The following SNW1 variants were observed in gnomAD, a reference collection of about 807,000 sequenced individuals.
SNW1 encodes SNW domain-containing protein 1.
SNW1 carries 9 observed loss-of-function variants against 75.6 expected under a neutral mutation model. The ratio of observed to expected loss-of-function variants is 0.12; its 90% CI spans 0.07 to 0.21. SNW1 has a LOEUF of 0.21. SNW1 is among the 10% of genes least tolerant of loss of function. The probability of loss-of-function intolerance (pLI) is 1.00; values close to 1 mark genes in which losing one functional copy is unlikely to be tolerated. For missense variants in SNW1, 409 were observed against 670.9 expected, an observed-to-expected ratio of 0.61 and a Z score of 4.31; for synonymous variants, 200 against 219.1, an observed-to-expected ratio of 0.91 and a Z score of 0.77.
In SNW1 at chr14:77,756,742, G is replaced by C. The variant is rs939356757; in HGVS notation, c.15-1622C>G. The stretch of plus-strand genomic sequence containing the variant: ...CTACTAAAAATACAAAATTAGCCAG[G>C]CGTGCTGGTGTGCGCCTGTAATCCC... On this transcript the variant is annotated intron_variant, in intron 1 of 13. Transcript: ENST00000261531. Among the ~76,000 whole-genome samples, 4 of 152,220 alleles carry C rather than the reference G, an allele frequency of 2.6e-5. No individual in the cohort carries two copies. In the South Asian group the frequency reaches 8.3e-4, roughly 32 times the overall value.
rs959016321 is a variant in SNW1, at chr14:77,732,384, C to G, written c.891+101G>C. 1.4e-5 allele frequency: 10 copies of G among 732,204 alleles called. No homozygotes were observed. The African/African-American group carries it at 1.6e-4, about 12-fold the overall frequency. 45.4% of individuals were successfully genotyped at this position (732,204 alleles called of 1,614,324 possible). A position where few individuals can be genotyped will look rare whatever the true frequency, so the allele number is the denominator to read the frequency against. ...ACACACGTACCATGGGTGAGACTCTCTTTGGGTGCTCGGTACTATAGTTAA... is the reference window on the plus strand; with the variant it reads ...ACACACGTACCATGGGTGAGACTCTGTTTGGGTGCTCGGTACTATAGTTAA... On this transcript the variant is annotated intron_variant, in intron 9 of 13. Coordinates refer to ENST00000261531, the MANE Select transcript of SNW1 (RefSeq NM_012245.3).
Position 77,744,526 on chromosome 14 carries a change from C to T in SNW1, c.331-5465G>A, listed in dbSNP as rs148977594. Among the ~76,000 whole-genome samples the T allele has an allele frequency of 2.0e-5, 3 of 149,996 alleles. No individual in the cohort carries two copies. The East Asian group carries it at 5.8e-4, about 29-fold the overall frequency. On this transcript the variant is annotated intron_variant, in intron 3 of 13. Transcript: ENST00000261531. ...AAAACAAGGAACAATGCTTTGGAGA[C>T]CTTATTTGGCCAAGATACTAAACTC...
At chr14:77,732,000 T>C (rs2080631135) in intron 9 of SNW1, among the ~76,000 whole-genome samples, 1 of 152,206 alleles carries the variant, frequency 6.6e-6, no homozygotes, top group East Asian at 1.9e-4. Flanking sequence ...CCTCCCAAAA[T>C]GCTGGGATTA....
intron 3 of SNW1, among the ~76,000 whole-genome samples, chr14:77,750,187 C>T (rs951800217): frequency 6.6e-6 from 1 of 152,032 alleles, no homozygotes; most frequent in Non-Finnish European, 1.5e-5. Context: ...GGCAACAGAA[C>T]AAGACCCTGT....
At chr14:77,722,098 T>C (rs982020193) in intron 11 of SNW1, among the ~76,000 whole-genome samples, 7 of 152,162 alleles carry the variant, frequency 4.6e-5, no homozygotes, top group African/African-American at 1.7e-4. Context: ...GCTCATGGGA[T>C]GATCAGAGCA....
chr14:77,739,642 C>G (rs976655187), intron 3 of SNW1, among the ~76,000 whole-genome samples: 3 of 151,792 alleles, frequency 2.0e-5, no homozygotes, highest in Admixed American at 6.6e-5. Flanking sequence ...AAAATATATT[C>G]TATATATACA....
chr14:77,753,934 C>T (rs185712486), intron 2 of SNW1, among the ~76,000 whole-genome samples: 181 of 151,252 alleles, frequency 1.2e-3, no homozygotes, highest in Admixed American at 3.6e-3. Context: ...GCCTGGGAAA[C>T]GGAGCGAGAT....
In SNW1 at chr14:77,732,600, C is replaced by CTA; in HGVS notation, c.775_776insTA (p.Gly259ValfsTer7). The CTA allele has an allele frequency of 6.5e-7, 1 of 1,532,950 alleles. No individual in the cohort carries two copies. The highest frequency in any genetic ancestry group is 9.0e-7 in the Non-Finnish European group (1 of 1,108,190). The allele number at this position is 1,532,950 out of a possible 1,614,324, so 95.0% of individuals were successfully genotyped here. A position where few individuals can be genotyped will look rare whatever the true frequency, so the allele number is the denominator to read the frequency against. ...ACGTTTGTCTAATGGAATTGTATAA[C>CTA]CCTAGAGTGAAAGCAGACAGAAAAC... is the stretch of plus-strand genomic sequence containing the variant. On this transcript the variant is annotated frameshift_variant and splice_region_variant, in exon 9 of 14. Transcript: ENST00000261531. LOFTEE classifies it high-confidence loss of function.
At chr14:77,747,810 T>C (rs1456498239) in intron 3 of SNW1, among the ~76,000 whole-genome samples, 1 of 136,758 alleles carries the variant, frequency 7.3e-6, no homozygotes, top group African/African-American at 2.8e-5. Flanking sequence ...CGCCTCTGCC[T>C]GGCCGCCGCC....
intron 3 of SNW1, among the ~76,000 whole-genome samples, chr14:77,747,744 A>T (rs1383106155): frequency 1.3e-5 from 2 of 149,804 alleles, no homozygotes; most frequent in African/African-American, 2.5e-5. Context: ...CCCGTCTGGG[A>T]GGGAGGTGGG....
At position 77,735,985 on chromosome 14, in the gene SNW1, C is replaced by T. The variant is rs2080667942; in HGVS notation, c.660G>A (p.Arg220=). 1.2e-6 allele frequency: 2 copies of T among 1,613,648 alleles called. No homozygotes were observed. The highest frequency in any genetic ancestry group is 4.5e-5 in the East Asian group (2 of 44,858). Residue 220 remains arginine (R), a synonymous_variant, in exon 7 of 14, where the codon CGG becomes CGA. Coordinates refer to ENST00000261531, the MANE Select transcript of SNW1 (RefSeq NM_012245.3). ...CAGGCGCAGGAGGAGAAGGTGGTCC[C>T]CGGGGAATTTTCTTATTAATCCTGA... is the stretch of plus-strand genomic sequence containing the variant. ...PRFKINKKIP[R]GPPSPPAPVM...
At chr14:77,738,678 A>T in intron 5 of SNW1, 100 bp downstream of exon 5, 1 of 796,066 alleles carries the variant, frequency 1.3e-6, no homozygotes, top group Non-Finnish European at 2.1e-6. Context: ...AAAACAATGC[A>T]TTTATAATGG....
chr14:77,718,569 ATT>A, intron 12 of SNW1, 39 bp from the exon 13 acceptor site: 1 of 1,351,412 alleles, frequency 7.4e-7, no homozygotes, highest in East Asian at 2.3e-5. Context: ...AAGTGTAAAC[ATT>A]GTTTATCAAA....
intron 6 of SNW1, among the ~76,000 whole-genome samples, chr14:77,736,372 A>T (rs1326549498): frequency 1.3e-5 from 2 of 152,084 alleles, no homozygotes; most frequent in African/African-American, 4.8e-5. Context: ...ACATGGTGAA[A>T]CCCTGTCTCT....
intron 12 of SNW1, among the ~76,000 whole-genome samples, chr14:77,718,913 G>A (rs1017730838): frequency 4.6e-5 from 7 of 152,224 alleles, no homozygotes; most frequent in African/African-American, 1.7e-4. Context: ...GTTTCACCAT[G>A]TTGGCCAGGC....
At chr14:77,751,848 CACACA>C (rs2080811926) in intron 2 of SNW1, among the ~76,000 whole-genome samples, 3 of 130,532 alleles carry the variant, frequency 2.3e-5, no homozygotes, top group East Asian at 2.4e-4. Flanking sequence ...ACACACACCA[CACACA>C]CACACACACA....
In SNW1 at chr14:77,751,844, A is replaced by C. The variant is rs7492334; in HGVS notation, c.169-364T>G. Among the ~76,000 whole-genome samples, 110 of 119,226 alleles carry C rather than the reference A, an allele frequency of 9.2e-4. 1 individual carries two copies. The highest frequency in any genetic ancestry group is 2.4e-3 in the African/African-American group (64 of 26,174). 78.2% of individuals were successfully genotyped at this position (119,226 alleles called of 152,430 possible). A position where few individuals can be genotyped will look rare whatever the true frequency, so the allele number is the denominator to read the frequency against. On this transcript the variant is annotated intron_variant, in intron 2 of 13. Coordinates refer to ENST00000261531, the MANE Select transcript of SNW1 (RefSeq NM_012245.3). ...CACACACACACACACACACACACAC[A>C]CCACACACACACACACACAAAGCAT...
chr14:77,731,062 T>C lies in SNW1; in HGVS notation c.959A>G (p.His320Arg). 1 of 1,614,146 alleles carries C rather than the reference T, an allele frequency of 6.2e-7. No homozygotes were observed. Among genetic ancestry groups the C allele is most frequent in the Non-Finnish European group, 8.5e-7 (1 of 1,180,022 alleles). Residue 320 changes from histidine (H) to arginine (R), a missense_variant, in exon 10 of 14, where the codon CAT (histidine) becomes CGT (arginine). By Grantham distance (29) the His-to-Arg change is conservative. Around this residue, in one of 9 missense-constraint regions of SNW1, gnomAD observed 37 missense variants for 110.0 expected, o/e 0.34. Coordinates refer to ENST00000261531, the MANE Select transcript of SNW1 (RefSeq NM_012245.3). ...GGCCATTTCTCTAAGTTTCTCTTCATGTTTTTCCTTTTCTTTCTGAGCCAT... is the reference window on the plus strand; with the variant it reads ...GGCCATTTCTCTAAGTTTCTCTTCACGTTTTTCCTTTTCTTTCTGAGCCAT... ...RKMAQKEKEK[H>R]EEKLREMAQK...
chr14:77,751,670 A>G (rs755769761), intron 2 of SNW1, among the ~76,000 whole-genome samples, 190 bp from the exon 3 acceptor site: 8 of 152,150 alleles, frequency 5.3e-5, no homozygotes, highest in Non-Finnish European at 1.0e-4. Context: ...TTGGCTTGTG[A>G]TAAGTACCAT....
Sources: gnomAD v4.1 joint callset for allele counts (sites outside exome capture counted in the v4.1 genomes callset) on GRCh38, gnomAD v4.1.1 for gene constraint, gnomAD v4.1.1 regional missense constraint, MANE v1.5 for transcripts, NCBI Gene and HGNC (gene_info 2026-07-23, HGNC 2026-07-21) for gene names.